TRPC3: variants seen among roughly 807,000 people sequenced by gnomAD.
TRPC3 encodes the protein short transient receptor potential channel 3.
Under a neutral mutation model 90.9 loss-of-function variants are expected in TRPC3, and 54 were observed. That is an observed-to-expected ratio of 0.59 (90% CI 0.48 to 0.75). The LOEUF (loss-of-function observed/expected upper bound fraction) is 0.75, where lower values mean the gene tolerates loss of function less well. Ranked by LOEUF, TRPC3 falls within the 30% of genes least tolerant of loss-of-function variation. TRPC3 has a pLI of 0.00. For synonymous variants in TRPC3, 424 were observed against 450.9 expected (o/e 0.94, Z 0.75); for missense variants, 918 against 1,194.5 (o/e 0.77, Z 3.41).
At position 121,932,163 on chromosome 4, in the gene TRPC3, T is replaced by G; in HGVS notation, c.987+108A>C. The G allele has an allele frequency of 6.6e-7, 1 of 1,507,258 alleles. No homozygotes were observed. Among genetic ancestry groups the G allele is most frequent in the South Asian group, 1.3e-5 (1 of 74,898 alleles). The allele number at this position is 1,507,258 out of a possible 1,614,324, so 93.4% of individuals were successfully genotyped here. ...GTTCTCAGTCCCTCGTGATTTCACATTCACTGGGCAAAACCGAATGTGGAG... is the reference window on the plus strand; with the variant it reads ...GTTCTCAGTCCCTCGTGATTTCACAGTCACTGGGCAAAACCGAATGTGGAG... On this transcript the variant is annotated intron_variant, in intron 2 of 11. Transcript: ENST00000379645. The surrounding 1 kb of genome is among the most constrained non-coding windows in gnomAD (Gnocchi z 7.7).
In TRPC3 at chr4:121,951,051, C is replaced by T. The variant is rs1355411696; in HGVS notation, c.215+415G>A. Among the ~76,000 whole-genome samples, 1 of 152,200 alleles carries T rather than the reference C, an allele frequency of 6.6e-6. No individual in the cohort carries two copies. Among genetic ancestry groups the T allele is most frequent in the Admixed American group, 6.5e-5 (1 of 15,286 alleles). Reference sequence around the variant, plus strand: ...GCGCCTGGGTCTGTGCACATCTTCCCCTTCCTCGGCCTCCCTGGGTAAGCT... The same window carrying T: ...GCGCCTGGGTCTGTGCACATCTTCCTCTTCCTCGGCCTCCCTGGGTAAGCT... On this transcript the variant is annotated intron_variant, in intron 1 of 11. Transcript: ENST00000379645. This position sits in a 1 kb window ranked among gnomAD's most constrained non-coding sequence, Gnocchi z 4.4.
Position 121,951,458 on chromosome 4 carries a change from G to A in TRPC3, c.215+8C>T, listed in dbSNP as rs1730748655. On this transcript the variant is annotated splice_region_variant and intron_variant, in intron 1 of 11. Coordinates refer to ENST00000379645, the MANE Select transcript of TRPC3 (RefSeq NM_001130698.2). This position sits in a 1 kb window ranked among gnomAD's most constrained non-coding sequence, Gnocchi z 4.4. ...GAGGCGCGGGCCGCGGCCGGGCCCG[G>A]TACTCACAGGTCCGGCCCGTGGGAG... The A allele has an allele frequency of 4.0e-6, 5 of 1,240,084 alleles. No homozygotes were observed. The highest frequency in any genetic ancestry group is 5.0e-6 in the Non-Finnish European group (5 of 990,112). 76.8% of individuals were successfully genotyped at this position (1,240,084 alleles called of 1,614,324 possible). A position where few individuals can be genotyped will look rare whatever the true frequency, so the allele number is the denominator to read the frequency against.
chr4:121,932,637 A>G lies in TRPC3; in HGVS notation c.621T>C (p.Thr207=). 3.1e-6 allele frequency: 5 copies of G among 1,612,918 alleles called. No homozygotes were observed. Among genetic ancestry groups the G allele is most frequent in the Non-Finnish European group, 4.2e-6 (5 of 1,179,100 alleles). ...GCAGCTCCTGCTCACAGGGGCTCAG[A>G]GTGAGACGCTTGCTGGCCGCGAAGC... ...HPGFAASKRL[T]LSPCEQELQD... Residue 207 remains threonine (T), a synonymous_variant, in exon 2 of 12, where the codon ACT becomes ACC. Transcript: ENST00000379645. The surrounding 1 kb of genome is among the most constrained non-coding windows in gnomAD (Gnocchi z 7.7).
chr4:121,908,398 T>C (rs1347832863), intron 6 of TRPC3, among the ~76,000 whole-genome samples: 2 of 152,112 alleles, frequency 1.3e-5, no homozygotes, highest in Non-Finnish European at 2.9e-5. Flanking sequence ...AATGAAAACA[T>C]ATTGTTTTAC....
intron 3 of TRPC3, among the ~76,000 whole-genome samples, chr4:121,924,616 T>C (rs778565734): frequency 7.2e-5 from 11 of 152,228 alleles, no homozygotes; most frequent in Non-Finnish European, 1.5e-4. Flanking sequence ...CATTGCTCAC[T>C]GCAGCTTCAA....
At chr4:121,889,164 G>T (rs1560686269) in intron 10 of TRPC3, among the ~76,000 whole-genome samples, 1 of 152,122 alleles carries the variant, frequency 6.6e-6, no homozygotes, top group Non-Finnish European at 1.5e-5. Flanking sequence ...TAAAGTCTCA[G>T]GTGTAAGACT....
At position 121,951,414 on chromosome 4, in the gene TRPC3, C is replaced by A. The variant is rs1333425923; in HGVS notation, c.215+52G>T. On this transcript the variant is annotated intron_variant, in intron 1 of 11. Coordinates refer to ENST00000379645, the MANE Select transcript of TRPC3 (RefSeq NM_001130698.2). This position sits in a 1 kb window ranked among gnomAD's most constrained non-coding sequence, Gnocchi z 4.4. ...CGCCCGGCGCGCGCCTTCCCGCCCC[C>A]CGCCCGGCACCGCCCTCCGAGGCGC... is the stretch of plus-strand genomic sequence containing the variant. 8.8e-6 allele frequency: 10 copies of A among 1,142,328 alleles called. No individual in the cohort carries two copies. The highest frequency in any genetic ancestry group is 4.1e-5 in the East Asian group (1 of 24,190). The allele number at this position is 1,142,328 out of a possible 1,614,324, so 70.8% of individuals were successfully genotyped here.
intron 10 of TRPC3, among the ~76,000 whole-genome samples, chr4:121,884,016 C>T (rs574834760): frequency 1.3e-5 from 2 of 151,142 alleles, no homozygotes; most frequent in Admixed American, 6.6e-5. Context: ...TTGCAAAACA[C>T]TGGAAACAAT....
Position 121,951,417 on chromosome 4 carries a change from C to T in TRPC3, c.215+49G>A. The T allele has an allele frequency of 1.7e-6, 2 of 1,151,404 alleles. No individual in the cohort carries two copies. The highest frequency in any genetic ancestry group is 2.1e-6 in the Non-Finnish European group (2 of 933,626). The allele number at this position is 1,151,404 out of a possible 1,614,324, so 71.3% of individuals were successfully genotyped here. On this transcript the variant is annotated intron_variant, in intron 1 of 11. Coordinates refer to ENST00000379645, the MANE Select transcript of TRPC3 (RefSeq NM_001130698.2). This position sits in a 1 kb window ranked among gnomAD's most constrained non-coding sequence, Gnocchi z 4.4. ...CCGGCGCGCGCCTTCCCGCCCCCCG[C>T]CCGGCACCGCCCTCCGAGGCGCGGG... is the stretch of plus-strand genomic sequence containing the variant.
In TRPC3 at chr4:121,916,243, A is replaced by G. The variant is rs374380966; in HGVS notation, c.1177-1299T>C. 7.2e-5 allele frequency among the ~76,000 whole-genome samples: 11 copies of G among 152,268 alleles called. No individual in the cohort carries two copies. In the East Asian group the frequency reaches 1.7e-3, roughly 24 times the overall value. On this transcript the variant is annotated intron_variant, in intron 3 of 11. Transcript: ENST00000379645. The stretch of plus-strand genomic sequence containing the variant: ...TGCATAGTTTCCCATCAACAATTTT[A>G]ATTAAAAAAGAAAGTCTCATCTCCC...
chr4:121,923,644 G>A (rs1729603784), intron 3 of TRPC3, among the ~76,000 whole-genome samples: 1 of 152,206 alleles, frequency 6.6e-6, no homozygotes, highest in African/African-American at 2.4e-5. Flanking sequence ...AAATGAATAA[G>A]TAGGTACAAC....
At chr4:121,947,215 T>TA (rs1195149287) in intron 1 of TRPC3, among the ~76,000 whole-genome samples, 1 of 135,710 alleles carries the variant, frequency 7.4e-6, no homozygotes, top group Non-Finnish European at 1.6e-5. Flanking sequence ...ATTAAAAAAA[T>TA]AAAGTCCTTA....
intron 10 of TRPC3, among the ~76,000 whole-genome samples, chr4:121,894,920 A>G (rs1728468475): frequency 6.6e-6 from 1 of 152,140 alleles, no homozygotes; most frequent in Admixed American, 6.5e-5. Flanking sequence ...TTAGGACATA[A>G]AACAAGTCTC....
Position 121,951,596 on chromosome 4 carries a change from C to A in TRPC3, c.85G>T (p.Glu29Ter), listed in dbSNP as rs1243567014. ...CGGCGGCGCTGCGGCTCCGCGCCCTCGTCCTCGCCCTCGTCTTCCTCCTCC... is the reference window on the plus strand; with the variant it reads ...CGGCGGCGCTGCGGCTCCGCGCCCTAGTCCTCGCCCTCGTCTTCCTCCTCC... ...PEEEEDEGEDEGAEPQRRRRG... is the reference protein window; with the variant it reads ...PEEEEDEGED Residue 29 changes from glutamate (E) to a stop codon, truncating the protein, a stop_gained, in exon 1 of 12, where the codon GAG becomes TAG. Transcript: ENST00000379645. LOFTEE classifies it high-confidence loss of function. The surrounding 1 kb of genome is among the most constrained non-coding windows in gnomAD (Gnocchi z 4.4). The A allele has an allele frequency of 9.6e-6, 14 of 1,453,468 alleles. No homozygotes were observed. Among genetic ancestry groups the A allele is most frequent in the Non-Finnish European group, 1.2e-5 (13 of 1,098,062 alleles). 90.0% of individuals were successfully genotyped at this position (1,453,468 alleles called of 1,614,324 possible).
chr4:121,899,727 A>T (rs1400657691), intron 9 of TRPC3, 32 bp from the exon 10 acceptor site: 1 of 1,437,000 alleles, frequency 7.0e-7, no homozygotes, highest in African/African-American at 1.4e-5. Flanking sequence ...CTAGTAAATT[A>T]GAATACATTC....
chr4:121,892,206 T>C (rs769847939), intron 10 of TRPC3, among the ~76,000 whole-genome samples: 19 of 152,216 alleles, frequency 1.2e-4, no homozygotes, highest in Non-Finnish European at 2.8e-4. Flanking sequence ...GAGATCTAAG[T>C]ATGTTTAAAA....
chr4:121,881,714 T>A (rs1727949928), intron 11 of TRPC3, among the ~76,000 whole-genome samples: 1 of 152,182 alleles, frequency 6.6e-6, no homozygotes, highest in Admixed American at 6.6e-5. Context: ...ACAGTTTCCA[T>A]TTTTAGGGCA....
chr4:121,907,014 T>C (rs1272676999), intron 7 of TRPC3, among the ~76,000 whole-genome samples: 2 of 152,120 alleles, frequency 1.3e-5, no homozygotes, highest in Non-Finnish European at 2.9e-5. Flanking sequence ...ATGTTATACA[T>C]AATGTAAGAG....
intron 3 of TRPC3, among the ~76,000 whole-genome samples, chr4:121,918,827 A>G (rs561655634): frequency 2.6e-5 from 4 of 152,256 alleles, no homozygotes; most frequent in Non-Finnish European, 2.9e-5. Flanking sequence ...AGCCAGTACA[A>G]TAATAGCAAG....
Sources: gnomAD v4.1 joint callset for allele counts (sites outside exome capture counted in the v4.1 genomes callset) on GRCh38, gnomAD v4.1.1 for gene constraint, Gnocchi (gnomAD v3.1) non-coding constraint, MANE v1.5 for transcripts, NCBI Gene and HGNC (gene_info 2026-07-23, HGNC 2026-07-21) for gene names.